The following CPAMD8 variants were observed in gnomAD, a reference collection of about 807,000 sequenced individuals.
CPAMD8 encodes the protein C3 and PZP-like alpha-2-macroglobulin domain-containing protein 8.
Under a neutral mutation model 224.7 loss-of-function variants are expected in CPAMD8, and 146 were observed. The ratio of observed to expected loss-of-function variants is 0.65; its 90% CI spans 0.57 to 0.75. CPAMD8 has a LOEUF of 0.75. Among genes scored for constraint, CPAMD8 ranks in the 30% least tolerant of loss-of-function variants. CPAMD8 has a pLI of 0.00. For missense variants in CPAMD8, 2,301 were observed against 2,537.5 expected (o/e 0.91, Z 2.00); for synonymous variants, 966 against 1,044.6 (o/e 0.92, Z 1.45).
chr19:16,963,228 A>G (rs1489240838), intron 18 of CPAMD8, among the ~76,000 whole-genome samples: 1 of 152,242 alleles, frequency 6.6e-6, no homozygotes. Flanking sequence ...AAATGCCCCA[A>G]TTAAAAGACA....
At chr19:17,007,577 G>A (rs940279066) in intron 7 of CPAMD8, among the ~76,000 whole-genome samples, 1 of 152,034 alleles carries the variant, frequency 6.6e-6, no homozygotes, top group Non-Finnish European at 1.5e-5. Flanking sequence ...GAGACAGAAG[G>A]AGGAAGGGTC....
intron 2 of CPAMD8, among the ~76,000 whole-genome samples, chr19:17,021,413 C>A (rs71338606): frequency 6.6e-6 from 1 of 152,226 alleles, no homozygotes; most frequent in Non-Finnish European, 1.5e-5. Context: ...GAGACAAGTG[C>A]TGCTTCACTG....
Position 16,928,026 on chromosome 19 carries a change from G to A in CPAMD8, c.3353C>T (p.Ala1118Val). Residue 1118 changes from alanine (A) to valine (V), a missense_variant, in exon 25 of 42, where the codon GCC (alanine) becomes GTC (valine). Transcript: ENST00000443236. ...PHGAIPGSER[A>V]TASIIGDVMG... The stretch of plus-strand genomic sequence containing the variant: ...AGACGCACCGATGATGGAGGCGGTG[G>A]CTCGCTCAGACCCAGGGATGGCGCC... 1 of 1,612,506 alleles carries A rather than the reference G, an allele frequency of 6.2e-7. No individual in the cohort carries two copies. The highest frequency in any genetic ancestry group is 8.5e-7 in the Non-Finnish European group (1 of 1,178,648).
At chr19:16,992,658 G>T (rs2055995669) in intron 12 of CPAMD8, among the ~76,000 whole-genome samples, 1 of 151,352 alleles carries the variant, frequency 6.6e-6, no homozygotes, top group African/African-American at 2.4e-5. Context: ...TGCCATGTTG[G>T]CCAGGCTGGT....
chr19:16,906,399 T>C (rs199580838), intron 30 of CPAMD8, among the ~76,000 whole-genome samples: 18,038 of 88,014 alleles, frequency 0.2, 2,079 homozygotes, highest in Middle Eastern at 0.29. Flanking sequence ...TCTTTCTTTC[T>C]TTCTTTCTTT....
At position 16,945,652 on chromosome 19, in the gene CPAMD8, T is replaced by C. The variant is rs2054047459; in HGVS notation, c.2690A>G (p.Asn897Ser). Reference sequence around the variant, plus strand: ...GCTGGACCTCCCATCCCGGCAGCAATTTGTGTCTCCGTAAGCAAGGGCTTT... The same window carrying C: ...GCTGGACCTCCCATCCCGGCAGCAACTTGTGTCTCCGTAAGCAAGGGCTTT... ...TAKALAYGDT[N>S]CCRDGRSSKH... The change falls in exon 22 of 42, where the codon AAT becomes AGT. Residue 897 changes from asparagine to serine, a missense_variant. By Grantham distance (46) the Asn-to-Ser change is conservative. This residue lies in a region of CPAMD8 where 1,709 missense variants were observed against 1,753.2 expected (regional missense o/e 0.97). Coordinates refer to ENST00000443236, the MANE Select transcript of CPAMD8 (RefSeq NM_015692.5). 2 of 1,614,036 alleles carry C rather than the reference T, an allele frequency of 1.2e-6. No homozygotes were observed. Among genetic ancestry groups the C allele is most frequent in the African/African-American group, 2.7e-5 (2 of 74,932 alleles).
Position 16,893,080 on chromosome 19 carries a change from G to C in CPAMD8, c.*28C>G. ...TGAATGGTCCCCAGGACCAAACTGC[G>C]GTCCCACAACTGCATGTGGTTGTAG... is the stretch of plus-strand genomic sequence containing the variant. On this transcript the variant is annotated 3_prime_UTR_variant, in exon 42 of 42. Coordinates refer to ENST00000443236, the MANE Select transcript of CPAMD8 (RefSeq NM_015692.5). 3 of 1,014,058 alleles carry C rather than the reference G, an allele frequency of 3.0e-6. No homozygotes were observed. The highest frequency in any genetic ancestry group is 4.7e-6 in the Non-Finnish European group (3 of 634,448). 62.8% of individuals were successfully genotyped at this position (1,014,058 alleles called of 1,614,324 possible). A position where few individuals can be genotyped will look rare whatever the true frequency, so the allele number is the denominator to read the frequency against.
At chr19:16,957,792 C>T in intron 19 of CPAMD8, 61 bp downstream of exon 19, 1 of 1,536,560 alleles carries the variant, frequency 6.5e-7, no homozygotes. Context: ...GCTCTCTGGA[C>T]CCGCATGAGT....
At position 17,024,394 on chromosome 19, in the gene CPAMD8, A is replaced by C. The variant is rs77048852; in HGVS notation, c.92+2157T>G. On this transcript the variant is annotated intron_variant, in intron 1 of 41. Coordinates refer to ENST00000443236, the MANE Select transcript of CPAMD8 (RefSeq NM_015692.5). ...GTATTACATAACTCCAGCACTGACC[A>C]GGACATGCAATTACCCTGTCCAGGT... is the stretch of plus-strand genomic sequence containing the variant. 4.4e-3 allele frequency among the ~76,000 whole-genome samples: 674 copies of C among 152,372 alleles called. 1 individual carries two copies. Among genetic ancestry groups the C allele is most frequent in the Non-Finnish European group, 7.9e-3 (537 of 68,042 alleles).
chr19:16,897,728 C>T lies in CPAMD8; in HGVS notation c.5028G>A (p.Ala1676=). The T allele has an allele frequency of 6.4e-7, 1 of 1,567,828 alleles. No individual in the cohort carries two copies. The highest frequency in any genetic ancestry group is 1.2e-5 in the South Asian group (1 of 85,180). ...PLARELCAGP[A]CNEVERAPAR... is the part of the protein sequence containing the mutation. ...CAGGGGCGCGCTCCACTTCGTTGCA[C>T]GCGGGTCCGGCGCACAGTTCCCGGG... is the stretch of plus-strand genomic sequence containing the variant. Residue 1676 remains alanine, a synonymous_variant, in exon 39 of 42, where the codon GCG becomes GCA. Coordinates refer to ENST00000443236, the MANE Select transcript of CPAMD8 (RefSeq NM_015692.5).
At chr19:16,900,987 T>A (rs963862558) in intron 36 of CPAMD8, among the ~76,000 whole-genome samples, 1 of 142,320 alleles carries the variant, frequency 7.0e-6, no homozygotes, top group African/African-American at 2.7e-5. Flanking sequence ...ATCATTACAC[T>A]GTAGCCTGGG....
At chr19:16,989,940 A>G (rs2055880620) in intron 12 of CPAMD8, among the ~76,000 whole-genome samples, 169 bp from the exon 13 acceptor site, 1 of 152,096 alleles carries the variant, frequency 6.6e-6, no homozygotes, top group Admixed American at 6.6e-5. Flanking sequence ...TGTCCAGCCC[A>G]TTCTTCCTAG....
At chr19:16,956,297 C>T (rs1234851781) in intron 19 of CPAMD8, among the ~76,000 whole-genome samples, 1 of 152,150 alleles carries the variant, frequency 6.6e-6, no homozygotes, top group Non-Finnish European at 1.5e-5. Context: ...GACACCCTTC[C>T]CTTTCTTGCT....
chr19:16,986,992 C>T (rs751087806), intron 13 of CPAMD8, among the ~76,000 whole-genome samples: 3 of 151,018 alleles, frequency 2.0e-5, no homozygotes, highest in Non-Finnish European at 4.4e-5. Flanking sequence ...CCTGTCTCTA[C>T]TAAAAATACA....
In CPAMD8 at chr19:16,903,723, C is replaced by A; in HGVS notation, c.4386G>T (p.Gln1462His). Residue 1462 changes from glutamine (Q) to histidine (H), a missense_variant, in exon 33 of 42, where the codon CAG (glutamine) becomes CAT (histidine). This residue lies in a region of CPAMD8 where 1,709 missense variants were observed against 1,753.2 expected (regional missense o/e 0.97). Coordinates refer to ENST00000443236, the MANE Select transcript of CPAMD8 (RefSeq NM_015692.5). The part of the protein sequence containing the change: ...QETFELHRTN[Q>H]KVLQTAAIPS... ...GCACCGCTGCTGTCTGCAGAACCTT[C>A]TGGTTGGTCCTGTGCAGCTCGAAGG... is the stretch of plus-strand genomic sequence containing the variant. 1 of 1,614,208 alleles carries A rather than the reference C, an allele frequency of 6.2e-7. No individual in the cohort carries two copies. Among genetic ancestry groups the A allele is most frequent in the Non-Finnish European group, 8.5e-7 (1 of 1,180,038 alleles).
intron 23 of CPAMD8, among the ~76,000 whole-genome samples, chr19:16,932,476 G>A (rs914390349): frequency 6.6e-5 from 10 of 152,036 alleles, no homozygotes; most frequent in Admixed American, 3.9e-4. Flanking sequence ...AAGAGAACAC[G>A]TAAGAACCAT....
chr19:16,993,747 C>T (rs747751481), intron 11 of CPAMD8, among the ~76,000 whole-genome samples, 161 bp from the exon 12 acceptor site: 6 of 152,118 alleles, frequency 3.9e-5, no homozygotes, highest in African/African-American at 1.4e-4. Context: ...AGTTCCAAAT[C>T]GCAAAAACAA....
intron 23 of CPAMD8, among the ~76,000 whole-genome samples, chr19:16,938,160 C>A (rs761486831): frequency 5.9e-5 from 9 of 151,772 alleles, no homozygotes; most frequent in African/African-American, 1.9e-4. Context: ...CCTGTGTATT[C>A]ATTCCCTGAG....
intron 3 of CPAMD8, among the ~76,000 whole-genome samples, chr19:17,012,999 A>T (rs2056702997): frequency 6.6e-6 from 1 of 151,812 alleles, no homozygotes; most frequent in East Asian, 2.0e-4. Flanking sequence ...CCTGGCCAAC[A>T]TGGCAAAACC....
Sources: gnomAD v4.1 joint callset for allele counts (sites outside exome capture counted in the v4.1 genomes callset) on GRCh38, gnomAD v4.1.1 for gene constraint, gnomAD v4.1.1 regional missense constraint, MANE v1.5 for transcripts, NCBI Gene and HGNC (gene_info 2026-07-23, HGNC 2026-07-21) for gene names.